The following KCNT1 variants were observed in gnomAD, a reference collection of about 807,000 sequenced individuals.
The protein encoded by KCNT1 is potassium channel subfamily T member 1.
Under a neutral mutation model 147.8 loss-of-function variants are expected in KCNT1, and 78 were observed. The ratio of observed to expected loss-of-function variants is 0.53; its 90% CI spans 0.44 to 0.64. The LOEUF is 0.64. KCNT1 is among the 30% of genes least tolerant of loss of function. KCNT1 has a pLI of 0.00. For missense variants in KCNT1, 1,419 were observed against 1,750.3 expected (o/e 0.81, Z 3.38); for synonymous variants, 867 against 748.8 (o/e 1.16, Z -2.58).
chr9:135,742,438 C>G (rs893270161), intron 2 of KCNT1, among the ~76,000 whole-genome samples: 2 of 152,198 alleles, frequency 1.3e-5, no homozygotes, highest in African/African-American at 2.4e-5. Flanking sequence ...GTCACCCCCC[C>G]ATCTGGCCCA....
intron 13 of KCNT1, among the ~76,000 whole-genome samples, chr9:135,768,160 C>T (rs955956433): frequency 7.1e-6 from 1 of 140,718 alleles, no homozygotes; most frequent in Non-Finnish European, 1.5e-5. Context: ...TTGGAGTCTC[C>T]TAGGGTGTCC....
At chr9:135,758,729 C>T (rs867025038) in intron 10 of KCNT1, among the ~76,000 whole-genome samples, 14 of 152,252 alleles carry the variant, frequency 9.2e-5, no homozygotes, top group South Asian at 4.1e-4. Context: ...AGCCCGACTC[C>T]TCCAAGGACA....
chr9:135,773,399 T>C (rs1472147375), intron 19 of KCNT1, among the ~76,000 whole-genome samples: 1 of 151,958 alleles, frequency 6.6e-6, no homozygotes, highest in Non-Finnish European at 1.5e-5. Context: ...GTGCCCTAGG[T>C]CTCCCCCTTA....
At chr9:135,763,431 C>T (rs149888151) in intron 11 of KCNT1, among the ~76,000 whole-genome samples, 102 of 152,362 alleles carry the variant, frequency 6.7e-4, no homozygotes, top group African/African-American at 2.4e-3. Flanking sequence ...GAAGTATCCT[C>T]CAGGCTCTTC....
At chr9:135,716,465 G>T (rs1452075365) in intron 2 of KCNT1, among the ~76,000 whole-genome samples, 2 of 152,120 alleles carry the variant, frequency 1.3e-5, no homozygotes, top group Non-Finnish European at 2.9e-5. Context: ...TAAAATTGTG[G>T]TAAAATACAT....
chr9:135,776,093 T>A (rs1216637123), intron 20 of KCNT1, among the ~76,000 whole-genome samples: 5 of 152,080 alleles, frequency 3.3e-5, no homozygotes, highest in Admixed American at 2.0e-4. Context: ...GATGTTTACT[T>A]GGATCTCATG....
intron 4 of KCNT1, 71 bp from the exon 5 acceptor site, chr9:135,753,866 C>G: frequency 1.3e-6 from 2 of 1,547,562 alleles, no homozygotes; most frequent in South Asian, 2.2e-5. Flanking sequence ...CCTGTGGAAG[C>G]CCTCGGGCAG....
Position 135,770,953 on chromosome 9 carries a change from C to T in KCNT1, c.1866C>T (p.Cys622=). 1.2e-6 allele frequency: 2 copies of T among 1,613,842 alleles called. No homozygotes were observed. The highest frequency in any genetic ancestry group is 1.7e-6 in the Non-Finnish European group (2 of 1,179,876). ...ACATCCTGGCCGCCTCTGACACCTG[C>T]TTCTACATCAACATCACCAAGGAGG... ...PRHILAASDT[C]FYINITKEEN... Residue 622 remains cysteine, a synonymous_variant, in exon 18 of 31, where the codon TGC becomes TGT. Transcript: ENST00000371757.
At position 135,747,926 on chromosome 9, in the gene KCNT1, CTTCAT is replaced by C. The variant is rs561690812; in HGVS notation, c.255-2164_255-2160del. ...GCCTCTTCCTGGACCCTGGACCCTTCTTCATTTCATTTATTTATTTATTATTCATT... is the reference window on the plus strand; with the variant it reads ...GCCTCTTCCTGGACCCTGGACCCTTCTTCATTTATTTATTTATTATTCATT... On this transcript the variant is annotated intron_variant, in intron 2 of 30. Transcript: ENST00000371757. 6.6e-5 allele frequency among the ~76,000 whole-genome samples: 10 copies of C among 152,292 alleles called. No homozygotes were observed. In the East Asian group the frequency reaches 1.7e-3, roughly 26 times the overall value.
rs10118323 is a variant in KCNT1, at chr9:135,765,958, T to C, written c.1337+198T>C. On this transcript the variant is annotated intron_variant, in intron 13 of 30. Coordinates refer to ENST00000371757, the MANE Select transcript of KCNT1 (RefSeq NM_020822.3). ...GGTGGACCATTTAGGGTGGATCGTC[T>C]GGGGTGGACCATTCAGGGTGGACCT... is the stretch of plus-strand genomic sequence containing the variant. Among the ~76,000 whole-genome samples the C allele has an allele frequency of 0.015, 2,252 of 151,676 alleles. 57 individuals carry two copies. Among genetic ancestry groups the C allele is most frequent in the African/African-American group, 0.049 (2,008 of 41,258 alleles).
chr9:135,730,198 A>G lies in KCNT1; in HGVS notation c.254+15478A>G, dbSNP rs974279936. Among the ~76,000 whole-genome samples, 3 of 152,150 alleles carry G rather than the reference A, an allele frequency of 2.0e-5. No individual in the cohort carries two copies. Among genetic ancestry groups the G allele is most frequent in the Non-Finnish European group, 4.4e-5 (3 of 68,032 alleles). Reference sequence around the variant, plus strand: ...AAGGCAGTGTTGAATTGCAGCCTCTAGTGGCGACAACAAGGAAAGGGGTTC... The same window carrying G: ...AAGGCAGTGTTGAATTGCAGCCTCTGGTGGCGACAACAAGGAAAGGGGTTC... On this transcript the variant is annotated intron_variant, in intron 2 of 30. Coordinates refer to ENST00000371757, the MANE Select transcript of KCNT1 (RefSeq NM_020822.3). This position sits in a 1 kb window ranked among gnomAD's most constrained non-coding sequence, Gnocchi z 4.7.
intron 19 of KCNT1, 27 bp from the exon 20 acceptor site, chr9:135,775,283 G>A (rs754983853): frequency 1.9e-6 from 3 of 1,571,242 alleles, no homozygotes; most frequent in African/African-American, 1.4e-5. Context: ...GTGCAGCTGT[G>A]CTGAGGGCTC....
chr9:135,778,780 TG>T lies in KCNT1; in HGVS notation c.2689del (p.Ala897ArgfsTer49). On this transcript the variant is annotated frameshift_variant, in exon 23 of 31. Transcript: ENST00000371757. LOFTEE classifies it high-confidence loss of function. Reference protein sequence around the residue: ...ESTMSAEEDYMADAKTIVNVQ... With the variant: ...ESTMSAEEDYXADAKTIVNVQ... ...ACCATGAGCGCCGAGGAGGACTACA[TG>T]GCGGACGCCAAGACCATCGTCAACG... 1 of 1,613,882 alleles carries T rather than the reference TG, an allele frequency of 6.2e-7. No individual in the cohort carries two copies. The highest frequency in any genetic ancestry group is 8.5e-7 in the Non-Finnish European group (1 of 1,179,908).
chr9:135,794,833 A>G lies in KCNT1; in HGVS notation c.*2672A>G, dbSNP rs1415145970. On this transcript the variant is annotated 3_prime_UTR_variant, in exon 31 of 31. Coordinates refer to ENST00000371757, the MANE Select transcript of KCNT1 (RefSeq NM_020822.3). ...ACTCACCAACAGCCCCAGCTTGCAC[A>G]GTCATGACATCAGGAAGGTGGGTCC... The G allele has an allele frequency of 1.3e-5, 2 of 152,048 alleles. No homozygotes were observed. Among genetic ancestry groups the G allele is most frequent in the African/African-American group, 4.8e-5 (2 of 41,396 alleles). 9.4% of individuals were successfully genotyped at this position (152,048 alleles called of 1,614,324 possible). A position where few individuals can be genotyped will look rare whatever the true frequency, so the allele number is the denominator to read the frequency against.
chr9:135,704,215 C>T (rs1835156137), intron 1 of KCNT1, among the ~76,000 whole-genome samples: 1 of 151,988 alleles, frequency 6.6e-6, no homozygotes, highest in African/African-American at 2.4e-5. Context: ...CCCTGGAGTC[C>T]ATAGGTCTTG....
At chr9:135,736,444 C>G (rs937522309) in intron 2 of KCNT1, 3 of 152,244 alleles carry the variant, frequency 2.0e-5, no homozygotes, top group Non-Finnish European at 4.4e-5. Flanking sequence ...GAACCTTCTC[C>G]ATGGGGCGTC....
At chr9:135,777,076 C>T (rs1833221130) in intron 20 of KCNT1, among the ~76,000 whole-genome samples, 1 of 152,254 alleles carries the variant, frequency 6.6e-6, no homozygotes, top group Admixed American at 6.5e-5. Flanking sequence ...TCTCTAGCCA[C>T]ATGCCAAAAC....
At chr9:135,727,357 T>C (rs1205857242) in intron 2 of KCNT1, among the ~76,000 whole-genome samples, 10 of 67,548 alleles carry the variant, frequency 1.5e-4, no homozygotes, top group Non-Finnish European at 1.8e-4. Flanking sequence ...CTCTTTCCCA[T>C]TCTCTCTCTC....
chr9:135,778,348 G>C, intron 21 of KCNT1, 76 bp from the exon 22 acceptor site: 1 of 1,363,128 alleles, frequency 7.3e-7, no homozygotes, highest in Admixed American at 2.0e-5. Context: ...TGTGCATGGA[G>C]GGTAGGGCCC....
Sources: allele counts gnomAD v4.1 joint callset (sites outside exome capture counted in the v4.1 genomes callset), GRCh38; gene constraint gnomAD v4.1.1; non-coding constraint Gnocchi (gnomAD v3.1); transcripts MANE v1.5; gene names NCBI Gene and HGNC (gene_info 2026-07-23, HGNC 2026-07-21).